PTGIS: variants seen among roughly 807,000 people sequenced by gnomAD.
The protein encoded by PTGIS is prostaglandin I2 synthase.
A neutral mutation model predicts 50.3 loss-of-function variants in PTGIS; 45 were observed. That is an observed-to-expected ratio of 0.90 (90% CI 0.70 to 1.15). PTGIS has a LOEUF of 1.15. PTGIS is among the 50% of genes most tolerant of loss of function. The pLI, the probability that PTGIS is intolerant of heterozygous loss-of-function variation, is 0.00. For missense variants in PTGIS, 668 were observed against 661.3 expected, an observed-to-expected ratio of 1.01 and a Z score of -0.11; for synonymous variants, 260 against 267.7, an observed-to-expected ratio of 0.97 and a Z score of 0.28.
intron 5 of PTGIS, among the ~76,000 whole-genome samples, chr20:49,528,370 G>C (rs1601187702): frequency 6.6e-6 from 1 of 152,100 alleles, no homozygotes; most frequent in Non-Finnish European, 1.5e-5. Context: ...CCAGCACTTG[G>C]GGAGGCCGAG....
At chr20:49,526,490 ACAAT>A (rs1981796053) in intron 5 of PTGIS, among the ~76,000 whole-genome samples, 2 of 152,252 alleles carry the variant, frequency 1.3e-5, no homozygotes, top group Admixed American at 1.3e-4. Flanking sequence ...CTATATTTGC[ACAAT>A]CAATGAATAA....
intron 1 of PTGIS, among the ~76,000 whole-genome samples, chr20:49,553,193 T>C (rs1982553147): frequency 6.6e-6 from 1 of 152,124 alleles, no homozygotes; most frequent in African/African-American, 2.4e-5. Flanking sequence ...CTAGATATTA[T>C]AAGGTGACAA....
At chr20:49,564,916 A>G (rs983448361) in intron 1 of PTGIS, among the ~76,000 whole-genome samples, 2 of 151,828 alleles carry the variant, frequency 1.3e-5, no homozygotes, top group South Asian at 4.2e-4. Flanking sequence ...TTTTAACCCA[A>G]ACTGGATCAC....
At chr20:49,517,720 T>A (rs568263559) in intron 6 of PTGIS, among the ~76,000 whole-genome samples, 2 of 152,194 alleles carry the variant, frequency 1.3e-5, no homozygotes, top group Non-Finnish European at 2.9e-5. Flanking sequence ...ATTCACATGC[T>A]CCTTCTTGTT....
At chr20:49,539,866 G>C in intron 4 of PTGIS, 145 bp from the exon 5 acceptor site, 1 of 1,205,250 alleles carries the variant, frequency 8.3e-7, no homozygotes, top group Non-Finnish European at 1.2e-6. Context: ...CTGAACAGTC[G>C]GCAGTGAAAA....
chr20:49,558,274 A>G (rs772937271), intron 1 of PTGIS, among the ~76,000 whole-genome samples: 13 of 152,290 alleles, frequency 8.5e-5, no homozygotes, highest in Middle Eastern at 3.4e-3. Context: ...CTGTAGTCCC[A>G]GCTACTCAGG....
At position 49,512,377 on chromosome 20, in the gene PTGIS, G is replaced by A. The variant is rs143769795; in HGVS notation, c.1206+703C>T. Among the ~76,000 whole-genome samples, 804 of 151,678 alleles carry A rather than the reference G, an allele frequency of 5.3e-3. 6 individuals carry two copies. The highest frequency in any genetic ancestry group is 7.5e-3 in the Non-Finnish European group (511 of 67,838). ...GGTGGCTGGATGGATAAATGAATGG[G>A]TAGATGGGTGGATGAAAGGGTAAAT... On this transcript the variant is annotated intron_variant, in intron 8 of 9. Coordinates refer to ENST00000244043, the MANE Select transcript of PTGIS (RefSeq NM_000961.4).
In PTGIS at chr20:49,513,126, G is replaced by A; in HGVS notation, c.1160C>T (p.Pro387Leu). The change falls in exon 8 of 10, where the codon CCC (proline) becomes CTC (leucine). Residue 387 changes from proline to leucine, a missense_variant. Pro to Leu is a moderately conservative substitution (Grantham distance 98, BLOSUM62 -3). Coordinates refer to ENST00000244043, the MANE Select transcript of PTGIS (RefSeq NM_000961.4). The part of the protein sequence containing the change: ...LRRGDRLLLF[P>L]FLSPQRDPEI... The stretch of plus-strand genomic sequence containing the variant: ...TGGGTCTCTCTGGGGGCTCAGGAAG[G>A]GGAAGAGGAGGAGGCGGTCACCACG... 1 of 1,614,172 alleles carries A rather than the reference G, an allele frequency of 6.2e-7. No homozygotes were observed. Among genetic ancestry groups the A allele is most frequent in the Non-Finnish European group, 8.5e-7 (1 of 1,180,028 alleles).
At position 49,533,547 on chromosome 20, in the gene PTGIS, A is replaced by G. The variant is rs567505488; in HGVS notation, c.673+6023T>C. On this transcript the variant is annotated intron_variant, in intron 5 of 9. Transcript: ENST00000244043. ...AAGGAAGAATAATGTATGCATACAG[A>G]AAAAAAAGAAGAAAAATAAAGAATC... 4.7e-5 allele frequency among the ~76,000 whole-genome samples: 7 copies of G among 147,796 alleles called. No homozygotes were observed. The East Asian group carries it at 1.3e-3, about 28-fold the overall frequency.
chr20:49,505,422 A>G lies in PTGIS; in HGVS notation c.*2498T>C, dbSNP rs942113865. The G allele has an allele frequency of 6.6e-6, 1 of 152,212 alleles. No homozygotes were observed. The highest frequency in any genetic ancestry group is 1.5e-5 in the Non-Finnish European group (1 of 68,046). The allele number at this position is 152,212 out of a possible 1,614,324, so 9.4% of individuals were successfully genotyped here. On this transcript the variant is annotated 3_prime_UTR_variant, in exon 10 of 10. Coordinates refer to ENST00000244043, the MANE Select transcript of PTGIS (RefSeq NM_000961.4). ...CTTCAGTATCTCAGGTAACAGCTGGAGCTGCCTGGTGGGAGCACATCTTTT... is the reference window on the plus strand; with the variant it reads ...CTTCAGTATCTCAGGTAACAGCTGGGGCTGCCTGGTGGGAGCACATCTTTT...
intron 5 of PTGIS, among the ~76,000 whole-genome samples, chr20:49,527,381 C>T (rs1404012728): frequency 3.3e-5 from 5 of 152,108 alleles, no homozygotes; most frequent in African/African-American, 4.8e-5. Context: ...AGCTTGAACC[C>T]GGGAGGCGGA....
At chr20:49,509,962 C>T (rs1177068467) in intron 9 of PTGIS, among the ~76,000 whole-genome samples, 1 of 143,180 alleles carries the variant, frequency 7.0e-6, no homozygotes, top group Non-Finnish European at 1.5e-5. Flanking sequence ...AATCTTGGCT[C>T]ACTGCAATCT....
At chr20:49,517,792 C>T (rs1002895254) in intron 6 of PTGIS, among the ~76,000 whole-genome samples, 1 of 152,206 alleles carries the variant, frequency 6.6e-6, no homozygotes, top group Admixed American at 6.5e-5. Flanking sequence ...CTCCTGCCTG[C>T]ATCCGCTTCC....
intron 4 of PTGIS, 66 bp from the exon 5 acceptor site, chr20:49,539,787 C>T (rs1982179535): frequency 3.2e-6 from 5 of 1,553,184 alleles, no homozygotes; most frequent in East Asian, 2.3e-5. Context: ...CAGCTACTCA[C>T]AAGAGCTTCA....
At position 49,559,736 on chromosome 20, in the gene PTGIS, G is replaced by A. The variant is rs550040146; in HGVS notation, c.74+8307C>T. Among the ~76,000 whole-genome samples, 232 of 152,256 alleles carry A rather than the reference G, an allele frequency of 1.5e-3. 1 individual carries two copies. Among genetic ancestry groups the A allele is most frequent in the African/African-American group, 5.4e-3 (226 of 41,542 alleles). ...TTGTATTAATTCATTTATATGAACT[G>A]TCCAGAATTGGGAAATCAATAGAGA... On this transcript the variant is annotated intron_variant, in intron 1 of 9. Transcript: ENST00000244043.
Position 49,556,900 on chromosome 20 carries a change from T to A in PTGIS, c.75-6711A>T, listed in dbSNP as rs149429090. ...TTTTTCCTCCCCTCATTTTTCCTGA[T>A]GTGAAATCACTAAAAGTTAAGCTGT... On this transcript the variant is annotated intron_variant, in intron 1 of 9. Transcript: ENST00000244043. Among the ~76,000 whole-genome samples, 201 of 152,270 alleles carry A rather than the reference T, an allele frequency of 1.3e-3. 3 individuals carry two copies. The South Asian group carries it at 0.028, about 21-fold the overall frequency.
At chr20:49,564,860 G>C (rs928671045) in intron 1 of PTGIS, among the ~76,000 whole-genome samples, 5 of 152,176 alleles carry the variant, frequency 3.3e-5, no homozygotes, top group South Asian at 4.1e-4. Context: ...CTCAAGGCTT[G>C]GTCAGGATAA....
At chr20:49,535,733 C>A (rs757365140) in intron 5 of PTGIS, among the ~76,000 whole-genome samples, 9 of 152,168 alleles carry the variant, frequency 5.9e-5, no homozygotes, top group Non-Finnish European at 1.3e-4. Flanking sequence ...CCAGGCTGGT[C>A]GCAAACTCCT....
At position 49,513,169 on chromosome 20, in the gene PTGIS, GC is replaced by G; in HGVS notation, c.1116del (p.Arg373GlufsTer17). 6.2e-7 allele frequency: 1 copy of G among 1,613,884 alleles called. No individual in the cohort carries two copies. On this transcript the variant is annotated frameshift_variant, in exon 8 of 10. Coordinates refer to ENST00000244043, the MANE Select transcript of PTGIS (RefSeq NM_000961.4). LOFTEE classifies it high-confidence loss of function. ...VVDLAMPMAD[G>X]REFNLRRGDR... Reference sequence around the variant, plus strand: ...TCACCACGTCGCAGGTTGAATTCTCGCCCGTCTGCCATGGGCATGGCCAGGT... The same window carrying G: ...TCACCACGTCGCAGGTTGAATTCTCGCCGTCTGCCATGGGCATGGCCAGGT...
Sources: allele counts gnomAD v4.1 joint callset (sites outside exome capture counted in the v4.1 genomes callset), GRCh38; gene constraint gnomAD v4.1.1; transcripts MANE v1.5; gene names NCBI Gene and HGNC (gene_info 2026-07-23, HGNC 2026-07-21).